Variants in ARID3B observed in about 807,000 individuals in gnomAD.
ARID3B encodes the protein AT-rich interactive domain-containing protein 3B.
A neutral mutation model predicts 51.9 loss-of-function variants in ARID3B; 10 were observed. The observed-to-expected ratio is 0.19, with a 90% CI of 0.12 to 0.33. The LOEUF is 0.33. Ranked by LOEUF, ARID3B falls within the 10% of genes least tolerant of loss-of-function variation. The probability of loss-of-function intolerance (pLI) is 1.00; values close to 1 mark genes in which losing one functional copy is unlikely to be tolerated. For missense variants in ARID3B, 483 were observed against 716.3 expected, an observed-to-expected ratio of 0.67 and a Z score of 3.72; for synonymous variants, 205 against 279.5, an observed-to-expected ratio of 0.73 and a Z score of 2.66.
intron 2 of ARID3B, 64 bp downstream of exon 2, chr15:74,544,552 G>A (rs2061608496): frequency 6.5e-7 from 1 of 1,538,146 alleles, no homozygotes; most frequent in South Asian, 1.2e-5. Context: ...GTCATGGACT[G>A]ACAGGGTCAG....
chr15:74,542,409 T>C (rs2061598550), intron 1 of ARID3B, among the ~76,000 whole-genome samples: 1 of 152,106 alleles, frequency 6.6e-6, no homozygotes, highest in Non-Finnish European at 1.5e-5. Flanking sequence ...AAGAGGCAAA[T>C]TGGAATGCGA....
At position 74,597,530 on chromosome 15, in the gene ARID3B, T is replaced by C. The variant is rs760170199; in HGVS notation, c.*1756T>C. 4.5e-5 allele frequency: 24 copies of C among 534,666 alleles called. No individual in the cohort carries two copies. Among genetic ancestry groups the C allele is most frequent in the East Asian group, 1.2e-4 (3 of 25,714 alleles). The allele number at this position is 534,666 out of a possible 1,614,324, so 33.1% of individuals were successfully genotyped here. ...ACACACATACACACACACACACACATACCCCATCTCCCGAGGGCTGACCTC... is the reference window on the plus strand; with the variant it reads ...ACACACATACACACACACACACACACACCCCATCTCCCGAGGGCTGACCTC... On this transcript the variant is annotated 3_prime_UTR_variant, in exon 9 of 9. Coordinates refer to ENST00000346246, the MANE Select transcript of ARID3B (RefSeq NM_006465.4).
At chr15:74,558,201 G>GTTTTTTTTTTTT (rs2061666676) in intron 2 of ARID3B, among the ~76,000 whole-genome samples, 5 of 135,134 alleles carry the variant, frequency 3.7e-5, no homozygotes, top group African/African-American at 1.1e-4. Context: ...TTTTTTTTGG[G>GTTTTTTTTTTTT]TACTATTTTT....
At chr15:74,566,089 G>A (rs747073933) in intron 2 of ARID3B, among the ~76,000 whole-genome samples, 4 of 151,956 alleles carry the variant, frequency 2.6e-5, no homozygotes, top group African/African-American at 4.8e-5. Flanking sequence ...CTCCATTTAT[G>A]GCACTGATTT....
intron 2 of ARID3B, among the ~76,000 whole-genome samples, chr15:74,563,216 G>C (rs2061685330): frequency 6.6e-6 from 1 of 152,204 alleles, no homozygotes; most frequent in South Asian, 2.1e-4. Context: ...CGGTGGCATA[G>C]GGACAGTTGT....
chr15:74,568,556 TG>T (rs2061707642), intron 2 of ARID3B, among the ~76,000 whole-genome samples: 1 of 152,334 alleles, frequency 6.6e-6, no homozygotes, highest in South Asian at 2.1e-4. Flanking sequence ...GTAAGGCTCC[TG>T]GTACAATCCT....
chr15:74,569,873 G>A (rs1038763279), intron 2 of ARID3B, among the ~76,000 whole-genome samples: 6 of 152,190 alleles, frequency 3.9e-5, no homozygotes, highest in Non-Finnish European at 5.9e-5. Context: ...TGGAATGCAC[G>A]TTGGACATTT....
rs1354307935 is a variant in ARID3B, at chr15:74,570,506, A to G, written c.553-2356A>G. On this transcript the variant is annotated intron_variant, in intron 2 of 8. Transcript: ENST00000346246. ...AAAAAAAAAAAAAAAAAGTGTTTTC[A>G]TCTCTCTTGGTGACTGATAGAGAAA... Among the ~76,000 whole-genome samples, 3 of 124,834 alleles carry G rather than the reference A, an allele frequency of 2.4e-5. 1 individual carries two copies. In the South Asian group the frequency reaches 7.3e-4, roughly 30 times the overall value. 81.9% of individuals were successfully genotyped at this position (124,834 alleles called of 152,430 possible). A position where few individuals can be genotyped will look rare whatever the true frequency, so the allele number is the denominator to read the frequency against.
At chr15:74,553,562 A>G (rs1056845343) in intron 2 of ARID3B, among the ~76,000 whole-genome samples, 1 of 152,200 alleles carries the variant, frequency 6.6e-6, no homozygotes, top group Non-Finnish European at 1.5e-5. Flanking sequence ...GTTCCCAAAT[A>G]TGTGGGTTTT....
At chr15:74,553,513 T>C (rs1449429364) in intron 2 of ARID3B, among the ~76,000 whole-genome samples, 1 of 152,252 alleles carries the variant, frequency 6.6e-6, no homozygotes, top group African/African-American at 2.4e-5. Context: ...TCAGTTTTAA[T>C]TGCTTCTTCA....
At chr15:74,557,651 C>T (rs762258935) in intron 2 of ARID3B, among the ~76,000 whole-genome samples, 18 of 152,016 alleles carry the variant, frequency 1.2e-4, no homozygotes, top group Non-Finnish European at 2.2e-4. Context: ...CTCTTCCTTT[C>T]GCTTGAATAC....
rs777973099 is a variant in ARID3B at position 74,544,099 on chromosome 15, G to A, written c.163G>A (p.Ala55Thr). The A allele has an allele frequency of 5.6e-6, 9 of 1,613,776 alleles. No homozygotes were observed. The highest frequency in any genetic ancestry group is 2.2e-5 in the South Asian group (2 of 91,082). ...GGTCACACAGCCGACTCTCCTTTCC[G>A]CCACAGCTGGGAGACCTTCTGGCAG... ...KLVTQPTLLS[A>T]TAGRPSGSTP... The change falls in exon 2 of 9, where the codon GCC becomes ACC. Residue 55 changes from alanine (A) to threonine (T), a missense_variant. By Grantham distance (58) the Ala-to-Thr change is moderately conservative. Transcript: ENST00000346246.
chr15:74,548,459 A>G lies in ARID3B; in HGVS notation c.552+3971A>G, dbSNP rs563181433. 1.0e-3 allele frequency among the ~76,000 whole-genome samples: 154 copies of G among 152,368 alleles called. 1 individual carries two copies. The Middle Eastern group carries it at 0.01, about 10-fold the overall frequency. On this transcript the variant is annotated intron_variant, in intron 2 of 8. Coordinates refer to ENST00000346246, the MANE Select transcript of ARID3B (RefSeq NM_006465.4). ...GCTGTGATCCAACCACGGGCTTAACATACTTTCACAGCCAATTCAGTTGAA... is the reference window on the plus strand; with the variant it reads ...GCTGTGATCCAACCACGGGCTTAACGTACTTTCACAGCCAATTCAGTTGAA...
chr15:74,589,962 G>A lies in ARID3B; in HGVS notation c.840G>A (p.Leu280=), dbSNP rs778971629. Residue 280 remains leucine, a synonymous_variant, in exon 5 of 9, where the codon CTG becomes CTA. Coordinates refer to ENST00000346246, the MANE Select transcript of ARID3B (RefSeq NM_006465.4). ...IWREITKGLN[L]PTSITSAAFT... is the part of the protein sequence containing the mutation. ...GGGAGATCACCAAAGGCCTAAACCT[G>A]CCCACATCCATCACCAGCGCCGCCT... is the stretch of plus-strand genomic sequence containing the variant. The A allele has an allele frequency of 6.2e-7, 1 of 1,613,844 alleles. No individual in the cohort carries two copies. Among genetic ancestry groups the A allele is most frequent in the Non-Finnish European group, 8.5e-7 (1 of 1,179,856 alleles).
At chr15:74,568,397 C>T (rs760425366) in intron 2 of ARID3B, among the ~76,000 whole-genome samples, 1 of 152,180 alleles carries the variant, frequency 6.6e-6, no homozygotes, top group African/African-American at 2.4e-5. Context: ...GGTGTAACAG[C>T]GAGAGCCAGA....
chr15:74,550,584 C>T (rs760687472), intron 2 of ARID3B, among the ~76,000 whole-genome samples: 9 of 151,622 alleles, frequency 5.9e-5, no homozygotes, highest in South Asian at 2.1e-4. Context: ...CAGGCGCCTG[C>T]GGTCCCAAGC....
chr15:74,591,387 C>T lies in ARID3B; in HGVS notation c.1118C>T (p.Thr373Ile). Residue 373 changes from threonine to isoleucine, a missense_variant, in exon 6 of 9, where the codon ACC (threonine) becomes ATC (isoleucine). Thr to Ile is a moderately conservative substitution (Grantham distance 89). This residue lies in a region of ARID3B where 265 missense variants were observed against 354.4 expected (regional missense o/e 0.75). Transcript: ENST00000346246. This position sits in a 1 kb window ranked among gnomAD's most constrained non-coding sequence, Gnocchi z 5.8. ...PILGLGSSSG[T>I]NTSSPRISPA... ...CTTGGGCTTGGCTCCAGCAGTGGTA[C>T]CAATACCAGTAGCCCTCGGATATCC... 1 of 1,612,902 alleles carries T rather than the reference C, an allele frequency of 6.2e-7. No individual in the cohort carries two copies. Among genetic ancestry groups the T allele is most frequent in the Non-Finnish European group, 8.5e-7 (1 of 1,178,966 alleles).
intron 4 of ARID3B, among the ~76,000 whole-genome samples, chr15:74,577,463 AAAG>A (rs908002346): frequency 1.9e-4 from 29 of 152,244 alleles, no homozygotes; most frequent in Admixed American, 5.2e-4. Flanking sequence ...CAGAAATAAA[AAAG>A]AAGAAGAAAA....
chr15:74,572,305 A>G (rs897691990), intron 2 of ARID3B, among the ~76,000 whole-genome samples: 16 of 152,230 alleles, frequency 1.1e-4, no homozygotes, highest in African/African-American at 3.6e-4. Flanking sequence ...CTTGGAAACA[A>G]TCTCAGGCCA....
Sources: allele counts gnomAD v4.1 joint callset (sites outside exome capture counted in the v4.1 genomes callset), GRCh38; gene constraint gnomAD v4.1.1; regional missense constraint gnomAD v4.1.1; non-coding constraint Gnocchi (gnomAD v3.1); transcripts MANE v1.5; gene names NCBI Gene and HGNC (gene_info 2026-07-23, HGNC 2026-07-21).